Variants in RIMS1 observed in about 807,000 individuals in gnomAD.
The protein encoded by RIMS1 is regulating synaptic membrane exocytosis protein 1.
In RIMS1, 83 loss-of-function variants were observed where a neutral mutation model predicts 214.1. That is an observed-to-expected ratio of 0.39 (90% CI 0.32 to 0.47). RIMS1 has a LOEUF of 0.47. RIMS1 is among the 20% of genes least tolerant of loss of function. The pLI is 0.99. For synonymous variants in RIMS1, 793 were observed against 786.8 expected, an observed-to-expected ratio of 1.01 and a Z score of -0.13; for missense variants, 2,050 against 2,161.8, an observed-to-expected ratio of 0.95 and a Z score of 1.03.
intron 2 of RIMS1, among the ~76,000 whole-genome samples, chr6:72,084,269 C>T (rs1834124523): frequency 6.6e-6 from 1 of 151,996 alleles, no homozygotes; most frequent in Non-Finnish European, 1.5e-5. Flanking sequence ...ATAGATGATC[C>T]CAATATTACC....
chr6:71,949,272 C>A (rs1788742345), intron 1 of RIMS1, among the ~76,000 whole-genome samples: 1 of 152,078 alleles, frequency 6.6e-6, no homozygotes, highest in Non-Finnish European at 1.5e-5. Flanking sequence ...CTCCTAAATT[C>A]CTGGTTCTGG....
intron 2 of RIMS1, among the ~76,000 whole-genome samples, chr6:71,981,830 C>G (rs1015846914): frequency 2.8e-4 from 43 of 151,942 alleles, no homozygotes; most frequent in African/African-American, 1.0e-3. Flanking sequence ...TGCCTTGTCT[C>G]CCCACCTGCA....
intron 2 of RIMS1, among the ~76,000 whole-genome samples, chr6:72,084,158 A>G (rs1834078693): frequency 6.6e-6 from 1 of 152,172 alleles, no homozygotes; most frequent in Admixed American, 6.6e-5. Context: ...TTTGCTCTTT[A>G]TGCATTAGTT....
chr6:72,118,631 C>A (rs1034091091), intron 4 of RIMS1, among the ~76,000 whole-genome samples: 1 of 151,674 alleles, frequency 6.6e-6, no homozygotes. Context: ...ACATCATGAT[C>A]AAGTGGGTTT....
chr6:71,965,112 T>C (rs906984512), intron 1 of RIMS1, among the ~76,000 whole-genome samples: 5 of 152,188 alleles, frequency 3.3e-5, no homozygotes, highest in African/African-American at 1.2e-4. Flanking sequence ...CCCAACACTA[T>C]TTGGAGATAA....
At chr6:72,334,853 T>C (rs1055813858) in intron 29 of RIMS1, among the ~76,000 whole-genome samples, 54 of 151,952 alleles carry the variant, frequency 3.6e-4, no homozygotes, top group African/African-American at 1.2e-3. Context: ...AGGATTAGAA[T>C]GAACTTAGAA....
At position 72,313,596 on chromosome 6, in the gene RIMS1, C is replaced by T. The variant is rs763959819; in HGVS notation, c.4054C>T (p.Arg1352Ter). ...TGTCAGTGATGTTTCCGCCATTTCC[C>T]GAACCAGCAGTGCCTCACGCCTCAG... ...SDVSDVSAIS[R>*]TSSASRLSST... The change falls in exon 28 of 34, where the codon CGA becomes TGA. Residue 1352 changes from arginine to a stop codon, truncating the protein, a stop_gained. Transcript: ENST00000521978. LOFTEE classifies it high-confidence loss of function. 4.3e-6 allele frequency: 7 copies of T among 1,613,718 alleles called. No homozygotes were observed. Among genetic ancestry groups the T allele is most frequent in the Admixed American group, 1.7e-5 (1 of 59,988 alleles).
chr6:72,003,802 C>T (rs1469714411), intron 2 of RIMS1, among the ~76,000 whole-genome samples: 2 of 151,582 alleles, frequency 1.3e-5, no homozygotes, highest in Non-Finnish European at 2.9e-5. Context: ...TTCTTCAATT[C>T]AATTTTAAGC....
At chr6:72,318,184 T>C (rs1453359420) in intron 28 of RIMS1, among the ~76,000 whole-genome samples, 1 of 152,292 alleles carries the variant, frequency 6.6e-6, no homozygotes, top group South Asian at 2.1e-4. Context: ...ATCATTTAAT[T>C]GGCTAGCTTA....
At chr6:72,118,417 T>C (rs530362741) in intron 4 of RIMS1, among the ~76,000 whole-genome samples, 14 of 151,490 alleles carry the variant, frequency 9.2e-5, no homozygotes, top group African/African-American at 2.9e-4. Context: ...TTGGTACCAA[T>C]ATTACCGAAA....
intron 29 of RIMS1, among the ~76,000 whole-genome samples, chr6:72,342,629 GT>G (rs1400989255): frequency 1.1e-3 from 70 of 64,976 alleles, no homozygotes; most frequent in African/African-American, 3.1e-3. Context: ...TAAGATGGGT[GT>G]GTGTGTGTGT....
chr6:72,390,866 A>C, intron 30 of RIMS1, 130 bp downstream of exon 30: 1 of 1,086,306 alleles, frequency 9.2e-7, no homozygotes, highest in Non-Finnish European at 1.3e-6. Flanking sequence ...TCCATTTTAA[A>C]CCACCCTGAT....
intron 2 of RIMS1, among the ~76,000 whole-genome samples, chr6:72,052,204 A>C (rs1055231317): frequency 6.6e-6 from 1 of 152,182 alleles, no homozygotes; most frequent in African/African-American, 2.4e-5. Flanking sequence ...TCACAATATT[A>C]GAGGGATTTG....
intron 1 of RIMS1, among the ~76,000 whole-genome samples, chr6:71,899,726 C>T (rs1339392539): frequency 3.3e-5 from 5 of 152,152 alleles, no homozygotes. Flanking sequence ...CTGGAAGAAG[C>T]AGCCCTACAT....
intron 25 of RIMS1, among the ~76,000 whole-genome samples, 198 bp from the exon 26 acceptor site, chr6:72,291,736 G>A (rs750067932): frequency 1.6e-4 from 25 of 152,194 alleles, no homozygotes; most frequent in Non-Finnish European, 1.6e-4. Context: ...ACTGTGTGTG[G>A]TGCACATTGC....
chr6:72,381,625 A>G (rs1160012307), intron 29 of RIMS1, among the ~76,000 whole-genome samples: 1 of 152,256 alleles, frequency 6.6e-6, no homozygotes, highest in African/African-American at 2.4e-5. Flanking sequence ...ACGAAAAGCC[A>G]TGTTGAACTT....
chr6:72,178,255 C>T (rs1057011456), intron 4 of RIMS1, among the ~76,000 whole-genome samples: 1 of 152,036 alleles, frequency 6.6e-6, no homozygotes, highest in African/African-American at 2.4e-5. Context: ...AATTCACCTG[C>T]AGTATTTTCC....
At chr6:72,360,266 C>T (rs1477372674) in intron 29 of RIMS1, among the ~76,000 whole-genome samples, 2 of 152,192 alleles carry the variant, frequency 1.3e-5, no homozygotes, top group Non-Finnish European at 2.9e-5. Context: ...AGACTATAAA[C>T]ACCCTCTGAA....
At chr6:72,101,354 A>G (rs2033538443) in intron 4 of RIMS1, among the ~76,000 whole-genome samples, 1 of 151,958 alleles carries the variant, frequency 6.6e-6, no homozygotes, top group South Asian at 2.1e-4. Flanking sequence ...GTATATATCT[A>G]TCACTTTATT....
Sources: gnomAD v4.1 joint callset for allele counts (sites outside exome capture counted in the v4.1 genomes callset) on GRCh38, gnomAD v4.1.1 for gene constraint, MANE v1.5 for transcripts, NCBI Gene and HGNC (gene_info 2026-07-23, HGNC 2026-07-21) for gene names.